PPEF1: variants seen among roughly 807,000 people sequenced by gnomAD.
PPEF1 encodes the protein protein phosphatase with EF-hand domain 1.
Under a neutral mutation model 53.3 loss-of-function variants are expected in PPEF1, and 12 were observed. That is an observed-to-expected ratio of 0.23 (90% confidence interval 0.14 to 0.36). The LOEUF (loss-of-function observed/expected upper bound fraction) is 0.36. PPEF1 is among the 10% of genes least tolerant of loss of function. PPEF1 has a pLI of 1.00. For missense variants in PPEF1, 334 were observed against 490.4 expected (o/e 0.68, Z 3.01); for synonymous variants, 165 against 176.7 (o/e 0.93, Z 0.52).
At chrX:18,680,940 A>G (rs938604878), upstream of PPEF1, among the ~76,000 whole-genome samples, 1 of 111,217 alleles carries the variant, frequency 9.0e-6, no homozygotes, top group Non-Finnish European at 1.9e-5. Flanking sequence ...TACAAAGGAC[A>G]TGAACTCATC....
chrX:18,708,833 T>C (rs2044259565), intron 1 of PPEF1, among the ~76,000 whole-genome samples: 1 of 111,714 alleles, frequency 9.0e-6, no homozygotes, highest in Non-Finnish European at 1.9e-5. Flanking sequence ...AATAAATCTT[T>C]CAAAAGCTCC....
intron 7 of PPEF1, among the ~76,000 whole-genome samples, chrX:18,781,980 G>A (rs1250926670): frequency 9.0e-6 from 1 of 111,284 alleles, no homozygotes; most frequent in Non-Finnish European, 1.9e-5. Context: ...TGTATAGGAT[G>A]TCTGAGAAAT....
intron 11 of PPEF1, 144 bp from the exon 12 acceptor site, chrX:18,806,259 A>G: frequency 1.5e-6 from 1 of 651,512 alleles, no homozygotes; most frequent in Non-Finnish European, 2.3e-6. Flanking sequence ...CAGTCATAGA[A>G]ATCACATCAG....
chrX:18,701,708 ATAT>A (rs1930133619), intron 6 of PPEF1, among the ~76,000 whole-genome samples: 1 of 112,365 alleles, frequency 8.9e-6, no homozygotes, highest in South Asian at 3.7e-4. Flanking sequence ...GTATGTTCAT[ATAT>A]TAAAGGCTCT....
chrX:18,766,801 C>G (rs901056844), intron 6 of PPEF1, among the ~76,000 whole-genome samples: 1 of 112,406 alleles, frequency 8.9e-6, no homozygotes, highest in Non-Finnish European at 1.9e-5. Flanking sequence ...GTAATCCCAG[C>G]ACTTTGAGAG....
At chrX:18,711,901 C>T (rs921841671) in intron 1 of PPEF1, among the ~76,000 whole-genome samples, 1 of 110,434 alleles carries the variant, frequency 9.1e-6, no homozygotes, top group Admixed American at 9.7e-5. Flanking sequence ...ATTACAGGCA[C>T]AAACCACCAC....
chrX:18,688,787 T>G (rs188728630), intron 3 of PPEF1: 86 of 112,022 alleles, frequency 7.7e-4, no homozygotes, highest in African/African-American at 2.7e-3. Flanking sequence ...AAGAAATACA[T>G]TGGTTCAGTT....
chrX:18,780,850 T>C (rs1211945078), intron 7 of PPEF1, among the ~76,000 whole-genome samples: 3 of 108,997 alleles, frequency 2.8e-5, no homozygotes, highest in Non-Finnish European at 5.7e-5. Context: ...GTCAGGAGAT[T>C]GAGACCATCC....
chrX:18,739,843 C>T (rs1359985559), intron 3 of PPEF1, among the ~76,000 whole-genome samples: 1 of 112,415 alleles, frequency 8.9e-6, no homozygotes, highest in East Asian at 2.8e-4. Context: ...GGTGGATGCC[C>T]CTCCCCCACC....
intron 3 of PPEF1, among the ~76,000 whole-genome samples, chrX:18,740,122 C>T (rs1004180759): frequency 1.8e-5 from 2 of 112,085 alleles, no homozygotes; most frequent in Non-Finnish European, 3.8e-5. Context: ...GCTCACACTC[C>T]GTGGGCTGCA....
chrX:18,728,322 C>T (rs1391916371), intron 1 of PPEF1, among the ~76,000 whole-genome samples: 2 of 110,765 alleles, frequency 1.8e-5, no homozygotes, highest in Non-Finnish European at 3.8e-5. Flanking sequence ...GCTGGGGAGG[C>T]CTCACAATCA....
At chrX:18,744,394 T>C (rs2045276707) in intron 3 of PPEF1, among the ~76,000 whole-genome samples, 1 of 111,502 alleles carries the variant, frequency 9.0e-6, no homozygotes, top group Admixed American at 9.5e-5. Context: ...TTGATCTCCC[T>C]GTGCTACTAC....
intron 6 of PPEF1, among the ~76,000 whole-genome samples, chrX:18,777,117 T>C (rs1292854348): frequency 8.9e-6 from 1 of 112,078 alleles, no homozygotes; most frequent in Non-Finnish European, 1.9e-5. Flanking sequence ...AAACTACAGC[T>C]CATAAAGGTT....
chrX:18,789,062 GTC>G lies in PPEF1; in HGVS notation c.913-55_913-54del, dbSNP rs1188007381. On this transcript the variant is annotated intron_variant, in intron 9 of 15. Transcript: ENST00000470157. ...AGAAAGAATCCCACCTGGGACTGAAGTCTCTGTATGTGGCAGAATAAGCAGAG... is the reference window on the plus strand; with the variant it reads ...AGAAAGAATCCCACCTGGGACTGAAGTCTGTATGTGGCAGAATAAGCAGAG... The G allele has an allele frequency of 2.6e-6, 3 of 1,158,478 alleles. No individual in the cohort carries two copies. In the East Asian group the frequency reaches 9.0e-5, roughly 35 times the overall value.
At chrX:18,809,742 T>C (rs1317521435) in intron 12 of PPEF1, among the ~76,000 whole-genome samples, 1 of 109,427 alleles carries the variant, frequency 9.1e-6, no homozygotes, top group African/African-American at 3.3e-5. Flanking sequence ...AACCCATGCA[T>C]ACAGAGGGCT....
At chrX:18,788,304 CAAAA>C (rs1214682551) in intron 9 of PPEF1, among the ~76,000 whole-genome samples, 2 of 30,301 alleles carry the variant, frequency 6.6e-5, no homozygotes, top group Non-Finnish European at 1.1e-4. Context: ...GACTCTGTCT[CAAAA>C]AAAAAAAAAA....
chrX:18,705,306 G>A (rs192232916), upstream of PPEF1, among the ~76,000 whole-genome samples: 475 of 112,295 alleles, frequency 4.2e-3, 3 homozygotes, highest in African/African-American at 0.014. Flanking sequence ...TGGTGAACCT[G>A]GAGGATGGTT....
intron 12 of PPEF1, among the ~76,000 whole-genome samples, chrX:18,817,092 G>A (rs1379259231): frequency 9.2e-6 from 1 of 108,217 alleles, no homozygotes; most frequent in Non-Finnish European, 1.9e-5. Flanking sequence ...GTGTGTGTGT[G>A]TGTGTGTGTG....
At chrX:18,821,169 G>A (rs1424680956) in intron 13 of PPEF1, among the ~76,000 whole-genome samples, 1 of 102,840 alleles carries the variant, frequency 9.7e-6, no homozygotes, top group Non-Finnish European at 2.0e-5. Context: ...CTTGCAGTGA[G>A]CCGAGATTGC....
Sources: gnomAD v4.1 joint callset for allele counts (sites outside exome capture counted in the v4.1 genomes callset) on GRCh38, gnomAD v4.1.1 for gene constraint, MANE v1.5 for transcripts, NCBI Gene and HGNC (gene_info 2026-07-23, HGNC 2026-07-21) for gene names.